The following MBNL1 variants were observed in gnomAD, a reference collection of about 807,000 sequenced individuals.
The protein encoded by MBNL1 is muscleblind-like protein 1.
A neutral mutation model predicts 42.2 loss-of-function variants in MBNL1; 8 were observed. That is an observed-to-expected ratio of 0.19 (90% CI 0.11 to 0.34). The LOEUF (loss-of-function observed/expected upper bound fraction) is 0.34. Ranked by LOEUF, MBNL1 falls within the 10% of genes least tolerant of loss-of-function variation. MBNL1 has a pLI of 1.00. For synonymous variants in MBNL1, 169 were observed against 173.9 expected, an observed-to-expected ratio of 0.97 and a Z score of 0.22; for missense variants, 309 against 495.3, an observed-to-expected ratio of 0.62 and a Z score of 3.57.
At chr3:152,347,497 A>G (rs1172820208) in intron 2 of MBNL1, among the ~76,000 whole-genome samples, 1 of 152,150 alleles carries the variant, frequency 6.6e-6, no homozygotes, top group African/African-American at 2.4e-5. Context: ...TTTTCTGCCT[A>G]TTGCTCAAAT....
chr3:152,390,486 GT>G (rs2097662535), intron 2 of MBNL1, among the ~76,000 whole-genome samples: 1 of 151,716 alleles, frequency 6.6e-6, no homozygotes, highest in Non-Finnish European at 1.5e-5. Flanking sequence ...CTGTTTTACA[GT>G]TAACTTTTTT....
chr3:152,438,275 C>T (rs1208426399), intron 4 of MBNL1, among the ~76,000 whole-genome samples: 1 of 152,102 alleles, frequency 6.6e-6, no homozygotes, highest in Non-Finnish European at 1.5e-5. Flanking sequence ...TAATTCCTGT[C>T]TTATCAATGA....
intron 2 of MBNL1, among the ~76,000 whole-genome samples, chr3:152,323,990 C>T (rs549956495): frequency 2.6e-5 from 4 of 152,260 alleles, no homozygotes; most frequent in Admixed American, 1.3e-4. Flanking sequence ...AAATTATCCC[C>T]GTTTTCGGTT....
At chr3:152,374,728 G>A (rs1184165929) in intron 2 of MBNL1, among the ~76,000 whole-genome samples, 2 of 152,200 alleles carry the variant, frequency 1.3e-5, no homozygotes, top group African/African-American at 4.8e-5. Context: ...GAAAAGTAGA[G>A]GAAGGCTTCA....
rs115768795 is a variant in MBNL1 at position 152,343,753 on chromosome 3, G to A, written c.174+43386G>A. ...CCTATTCAATAAATGTAGGAATAAA[G>A]TATTCCAAATTGTTTAAAAAATGTT... On this transcript the variant is annotated intron_variant, in intron 2 of 9. Transcript: ENST00000324210. Among the ~76,000 whole-genome samples the A allele has an allele frequency of 8.4e-3, 1,278 of 152,108 alleles. 16 individuals carry two copies. The highest frequency in any genetic ancestry group is 0.029 in the African/African-American group (1,216 of 41,496).
chr3:152,390,915 A>G (rs1579345879), intron 2 of MBNL1, among the ~76,000 whole-genome samples: 1 of 152,252 alleles, frequency 6.6e-6, no homozygotes, highest in Non-Finnish European at 1.5e-5. Flanking sequence ...TTTGAAGTGC[A>G]GTGATGTGAG....
At chr3:152,339,960 C>T (rs2092682714) in intron 2 of MBNL1, 1 of 152,044 alleles carries the variant, frequency 6.6e-6, no homozygotes, top group Admixed American at 6.6e-5. Context: ...TTCAGATTCC[C>T]CAGTGTTGAC....
rs139957176 is a variant in MBNL1 at position 152,346,354 on chromosome 3, A to T, written c.174+45987A>T. On this transcript the variant is annotated intron_variant, in intron 2 of 9. Coordinates refer to ENST00000324210, the MANE Select transcript of MBNL1 (RefSeq NM_021038.5). ...GAAATTTCTACCACTATCTGTTTAA[A>T]TCATCGTTTATTTATATTCCTTAAA... Among the ~76,000 whole-genome samples the T allele has an allele frequency of 6.6e-3, 1,004 of 152,232 alleles. 12 individuals are homozygous for T. Among genetic ancestry groups the T allele is most frequent in the African/African-American group, 0.022 (917 of 41,510 alleles).
chr3:152,429,755 T>C (rs1580304330), intron 3 of MBNL1, among the ~76,000 whole-genome samples: 1 of 152,218 alleles, frequency 6.6e-6, no homozygotes, highest in East Asian at 1.9e-4. Flanking sequence ...GTAACAAATT[T>C]ACAAAAATTT....
At position 152,358,913 on chromosome 3, in the gene MBNL1, T is replaced by C. The variant is rs537149859; in HGVS notation, c.175-56028T>C. On this transcript the variant is annotated intron_variant, in intron 2 of 9. Transcript: ENST00000324210. The stretch of plus-strand genomic sequence containing the variant: ...GTATGAGCCACCGTGCCCAGCCTCA[T>C]CTGGTTTTTAAAGTAATAAATACAC... 3.3e-5 allele frequency among the ~76,000 whole-genome samples: 5 copies of C among 152,256 alleles called. No homozygotes were observed. In the East Asian group the frequency reaches 9.6e-4, roughly 29 times the overall value.
intron 2 of MBNL1, among the ~76,000 whole-genome samples, chr3:152,313,328 T>C (rs77341204): frequency 0.072 from 10,995 of 152,074 alleles, 517 homozygotes; most frequent in Middle Eastern, 0.17. Context: ...CGGCCAACAT[T>C]TTATTTTTTA....
intron 2 of MBNL1, among the ~76,000 whole-genome samples, chr3:152,257,932 A>G (rs973913027): frequency 6.6e-6 from 1 of 152,124 alleles, no homozygotes; most frequent in Non-Finnish European, 1.5e-5. Flanking sequence ...TTGCTTGTAA[A>G]GTGGGTGAGA....
chr3:152,399,513 TA>T (rs200734874), intron 2 of MBNL1, among the ~76,000 whole-genome samples: 3 of 151,484 alleles, frequency 2.0e-5, no homozygotes, highest in South Asian at 2.1e-4. Context: ...CTTATTTAAT[TA>T]ATTATTTTTT....
At chr3:152,399,262 C>T (rs1270904578) in intron 2 of MBNL1, among the ~76,000 whole-genome samples, 1 of 152,062 alleles carries the variant, frequency 6.6e-6, no homozygotes, top group Non-Finnish European at 1.5e-5. Flanking sequence ...CCTGCCTTGC[C>T]TTGCCTTCTT....
At chr3:152,288,598 C>T (rs1181275131) in intron 1 of MBNL1, among the ~76,000 whole-genome samples, 1 of 152,036 alleles carries the variant, frequency 6.6e-6, no homozygotes, top group African/African-American at 2.4e-5. Flanking sequence ...CATTACCTTA[C>T]TCTTATGACA....
chr3:152,454,021 A>G (rs946550098), intron 6 of MBNL1, among the ~76,000 whole-genome samples: 1 of 152,168 alleles, frequency 6.6e-6, no homozygotes, highest in South Asian at 2.1e-4. Context: ...TAAGATGTAG[A>G]TCCGGTATTA....
chr3:152,456,444 A>C, intron 8 of MBNL1, 83 bp downstream of exon 8: 1 of 1,135,786 alleles, frequency 8.8e-7, no homozygotes, highest in Non-Finnish European at 1.3e-6. Context: ...TGGATTTCCC[A>C]TTGAGGTCAG....
intron 2 of MBNL1, chr3:152,300,851 CTTT>C: frequency 3.3e-6 from 2 of 612,766 alleles, no homozygotes; most frequent in Non-Finnish European, 4.1e-6. Context: ...TTTAGATTTT[CTTT>C]TTATTTTGTG....
chr3:152,299,388 A>G lies in MBNL1; in HGVS notation c.-789-17A>G. 3.7e-6 allele frequency: 1 copy of G among 268,476 alleles called. No individual in the cohort carries two copies. The highest frequency in any genetic ancestry group is 5.4e-5 in the Admixed American group (1 of 18,656). The allele number at this position is 268,476 out of a possible 1,614,324, so 16.6% of individuals were successfully genotyped here. On this transcript the variant is annotated splice_polypyrimidine_tract_variant and intron_variant, in intron 1 of 9. Coordinates refer to ENST00000324210, the MANE Select transcript of MBNL1 (RefSeq NM_021038.5). ...AGTGCTACTTAGTAAATCTTAACCT[A>G]TCTCTTTTTTCTACAGGTTGGTACT...
Sources: allele counts gnomAD v4.1 joint callset (sites outside exome capture counted in the v4.1 genomes callset), GRCh38; gene constraint gnomAD v4.1.1; transcripts MANE v1.5; gene names NCBI Gene and HGNC (gene_info 2026-07-23, HGNC 2026-07-21).